The following GALNT2 variants were observed in gnomAD, a reference collection of about 807,000 sequenced individuals.
GALNT2 encodes the protein UDP-GalNAc:polypeptide N-acetylgalactosaminyltransferase 2.
A neutral mutation model predicts 81.4 loss-of-function variants in GALNT2; 31 were observed. The observed-to-expected ratio is 0.38, with a 90% CI of 0.29 to 0.51. The LOEUF is 0.51. GALNT2 is among the 20% of genes least tolerant of loss of function. The pLI is 0.87. For missense variants in GALNT2, 629 were observed against 765.7 expected (o/e 0.82, Z 2.11); for synonymous variants, 303 against 287.4 (o/e 1.05, Z -0.55).
intron 1 of GALNT2, among the ~76,000 whole-genome samples, chr1:230,150,900 T>G (rs1998065): frequency 0.78 from 119,302 of 152,168 alleles, 47,315 homozygotes; most frequent in African/African-American, 0.81. Context: ...TTTGCTTCCC[T>G]AAGGAATCTA....
chr1:230,279,830 G>A lies in GALNT2; in HGVS notation c.*372G>A. The A allele has an allele frequency of 2.1e-6, 1 of 478,296 alleles. No homozygotes were observed. Among genetic ancestry groups the A allele is most frequent in the Non-Finnish European group, 4.1e-6 (1 of 242,100 alleles). 29.6% of individuals were successfully genotyped at this position (478,296 alleles called of 1,614,324 possible). On this transcript the variant is annotated 3_prime_UTR_variant, in exon 16 of 16. Transcript: ENST00000366672. The surrounding 1 kb of genome is among the most constrained non-coding windows in gnomAD (Gnocchi z 4.6). ...CGAGCTGAGGACAGGGCGGGAGGAGGGGGCACACATGCCCCAGGGGAGCGA... is the reference window on the plus strand; with the variant it reads ...CGAGCTGAGGACAGGGCGGGAGGAGAGGGCACACATGCCCCAGGGGAGCGA...
chr1:230,203,201 G>T lies in GALNT2; in HGVS notation c.285G>T (p.Gly95=), dbSNP rs780366072. 16 of 1,614,158 alleles carry T rather than the reference G, an allele frequency of 9.9e-6. No individual in the cohort carries two copies. Among genetic ancestry groups the T allele is most frequent in the African/African-American group, 1.3e-5 (1 of 75,036 alleles). ...AYVGGTMVRS[G]QDPYARNKFN... ...TTGGAGGGACGATGGTCCGCTCCGG[G>T]CAGGACCCTTACGCCCGCAACAAGT... The change falls in exon 3 of 16, where the codon GGG becomes GGT. Residue 95 remains glycine (G), a synonymous_variant. Transcript: ENST00000366672.
At chr1:230,072,337 C>CT (rs1429285437) in intron 1 of GALNT2, among the ~76,000 whole-genome samples, 3 of 98,394 alleles carry the variant, frequency 3.0e-5, no homozygotes, top group African/African-American at 1.2e-4. Context: ...AGGCAGTGGG[C>CT]TTAGTGAAAG....
chr1:230,121,499 A>G (rs929915711), intron 1 of GALNT2, among the ~76,000 whole-genome samples: 1 of 152,108 alleles, frequency 6.6e-6, no homozygotes, highest in African/African-American at 2.4e-5. Flanking sequence ...TGTCCCTGCC[A>G]GGTTTCTGAT....
intron 15 of GALNT2, among the ~76,000 whole-genome samples, chr1:230,274,894 C>T (rs1270620571): frequency 4.0e-5 from 6 of 151,706 alleles, no homozygotes; most frequent in African/African-American, 9.7e-5. Flanking sequence ...GGATGGTACT[C>T]GATACATAAT....
At chr1:230,220,311 T>G (rs1664507143) in intron 3 of GALNT2, among the ~76,000 whole-genome samples, 1 of 151,726 alleles carries the variant, frequency 6.6e-6, no homozygotes, top group South Asian at 2.1e-4. Context: ...AATCAAAGAT[T>G]AGGAATTATG....
At position 230,234,281 on chromosome 1, in the gene GALNT2, G is replaced by C. The variant is rs568322219; in HGVS notation, c.375-1733G>C. ...CTGTGCTTCTGAAGGGAAGTTGGAG[G>C]GGGTGGGGAGGAGAAGGTCAGAGAG... On this transcript the variant is annotated intron_variant, in intron 3 of 15. Coordinates refer to ENST00000366672, the MANE Select transcript of GALNT2 (RefSeq NM_004481.5). 3.5e-4 allele frequency among the ~76,000 whole-genome samples: 54 copies of C among 152,276 alleles called. No homozygotes were observed. In the South Asian group the frequency reaches 9.5e-3, roughly 27 times the overall value.
At chr1:230,076,245 T>C (rs1659550920) in intron 1 of GALNT2, among the ~76,000 whole-genome samples, 1 of 152,236 alleles carries the variant, frequency 6.6e-6, no homozygotes, top group Non-Finnish European at 1.5e-5. Context: ...ACAATCTCAT[T>C]TCTTGATTCC....
At chr1:230,057,844 T>G (rs1658950429), upstream of GALNT2, 2 of 336,304 alleles carry the variant, frequency 5.9e-6, no homozygotes, top group Admixed American at 7.5e-5. Flanking sequence ...AGAAGAAGCT[T>G]ACCCTAAAGG....
intron 1 of GALNT2, among the ~76,000 whole-genome samples, chr1:230,103,197 GT>G (rs1340903790): frequency 1.3e-5 from 2 of 152,198 alleles, no homozygotes; most frequent in African/African-American, 4.8e-5. Context: ...GTCCTTTCAT[GT>G]TTTAATAATT....
At chr1:230,068,317 A>G (rs1659266747) in intron 1 of GALNT2, among the ~76,000 whole-genome samples, 3 of 152,196 alleles carry the variant, frequency 2.0e-5, no homozygotes, top group Admixed American at 6.5e-5. Flanking sequence ...GAGCCGGGAC[A>G]GCGCGGTCCT....
intron 1 of GALNT2, among the ~76,000 whole-genome samples, chr1:230,069,095 C>T (rs1302362898): frequency 6.6e-6 from 1 of 152,156 alleles, no homozygotes; most frequent in Non-Finnish European, 1.5e-5. Flanking sequence ...TTTCTCTTTC[C>T]TTAGTCTGCC....
chr1:230,170,332 C>G (rs1662750268), intron 1 of GALNT2, among the ~76,000 whole-genome samples: 1 of 152,202 alleles, frequency 6.6e-6, no homozygotes, highest in African/African-American at 2.4e-5. Flanking sequence ...TGAAGCCTGT[C>G]TCTGGTCTCT....
At chr1:230,205,445 A>C (rs1664031741) in intron 3 of GALNT2, among the ~76,000 whole-genome samples, 2 of 152,168 alleles carry the variant, frequency 1.3e-5, no homozygotes, top group South Asian at 4.1e-4. Context: ...TAAGAATCTC[A>C]TCATTTTCCT....
chr1:230,139,298 G>A (rs1661654282), intron 1 of GALNT2, among the ~76,000 whole-genome samples: 1 of 152,196 alleles, frequency 6.6e-6, no homozygotes, highest in Non-Finnish European at 1.5e-5. Context: ...GAATCCCGAT[G>A]TTATCGTTGA....
intron 8 of GALNT2, among the ~76,000 whole-genome samples, chr1:230,246,638 G>A (rs1028294989): frequency 5.3e-5 from 8 of 152,176 alleles, no homozygotes; most frequent in South Asian, 2.1e-4. Context: ...CCAAGCCCAC[G>A]TGTGACCCTG....
intron 1 of GALNT2, among the ~76,000 whole-genome samples, chr1:230,145,305 C>T (rs1357086227): frequency 1.3e-5 from 2 of 152,160 alleles, no homozygotes; most frequent in African/African-American, 4.8e-5. Context: ...TGTCAGCTCC[C>T]CTGACCCCTA....
chr1:230,266,246 A>G (rs180889961), intron 14 of GALNT2, among the ~76,000 whole-genome samples: 23 of 152,294 alleles, frequency 1.5e-4, no homozygotes, highest in Admixed American at 1.3e-3. Context: ...CTCTTCTCCC[A>G]TCATTGCAAA....
At chr1:230,172,739 C>T (rs1402238571) in intron 1 of GALNT2, among the ~76,000 whole-genome samples, 1 of 152,210 alleles carries the variant, frequency 6.6e-6, no homozygotes, top group Non-Finnish European at 1.5e-5. Flanking sequence ...TTATTTGGAT[C>T]AGAGACAGAT....
Sources: allele counts gnomAD v4.1 joint callset (sites outside exome capture counted in the v4.1 genomes callset), GRCh38; gene constraint gnomAD v4.1.1; non-coding constraint Gnocchi (gnomAD v3.1); transcripts MANE v1.5; gene names NCBI Gene and HGNC (gene_info 2026-07-23, HGNC 2026-07-21).